CNTN4: variants seen among roughly 807,000 people sequenced by gnomAD.
The protein encoded by CNTN4 is contactin 4.
A neutral mutation model predicts 122.5 loss-of-function variants in CNTN4; 77 were observed. The observed-to-expected ratio is 0.63, with a 90% CI of 0.52 to 0.76. The LOEUF (loss-of-function observed/expected upper bound fraction) is 0.76. Ranked by LOEUF, CNTN4 falls within the 30% of genes least tolerant of loss-of-function variation. The probability of loss-of-function intolerance (pLI) is 0.00; values close to 1 mark genes in which losing one functional copy is unlikely to be tolerated. For missense variants in CNTN4, 1,256 were observed against 1,259.1 expected (o/e 1.00, Z 0.04); for synonymous variants, 512 against 447.0 (o/e 1.15, Z -1.83).
intron 4 of CNTN4, among the ~76,000 whole-genome samples, chr3:2,609,572 A>G (rs1463098545): frequency 2.6e-5 from 4 of 152,228 alleles, no homozygotes; most frequent in Admixed American, 2.0e-4. Flanking sequence ...TAGTTCTCAA[A>G]AGCATTATGT....
intron 4 of CNTN4, among the ~76,000 whole-genome samples, chr3:2,613,344 C>G (rs1414677565): frequency 6.6e-6 from 1 of 152,026 alleles, no homozygotes; most frequent in Non-Finnish European, 1.5e-5. Flanking sequence ...ATATCATGAT[C>G]ATTTACTTAG....
chr3:2,854,598 T>C (rs2150708529), intron 7 of CNTN4, among the ~76,000 whole-genome samples: 1 of 152,296 alleles, frequency 6.6e-6, no homozygotes, highest in South Asian at 2.1e-4. Flanking sequence ...CTTAGCACAT[T>C]TGATTAAGGG....
At chr3:2,278,581 A>T (rs567158230) in intron 2 of CNTN4, among the ~76,000 whole-genome samples, 2 of 152,242 alleles carry the variant, frequency 1.3e-5, no homozygotes, top group Non-Finnish European at 2.9e-5. Context: ...TACAGTATGC[A>T]CAAGTGTATA....
At chr3:2,686,655 CTGTG>C (rs887659861) in intron 4 of CNTN4, among the ~76,000 whole-genome samples, 26 of 152,062 alleles carry the variant, frequency 1.7e-4, no homozygotes, top group Admixed American at 4.6e-4. Flanking sequence ...GTGTGTGTGT[CTGTG>C]TGTCTGTGTG....
At chr3:2,608,412 A>G (rs1456102879) in intron 4 of CNTN4, among the ~76,000 whole-genome samples, 2 of 152,178 alleles carry the variant, frequency 1.3e-5, no homozygotes. Context: ...GTGAACTATG[A>G]TTATTCCACT....
intron 2 of CNTN4, among the ~76,000 whole-genome samples, chr3:2,183,804 A>G (rs1436563899): frequency 6.6e-6 from 1 of 152,168 alleles, no homozygotes; most frequent in Non-Finnish European, 1.5e-5. Flanking sequence ...ACCCCAAGCT[A>G]CTAAGATGCC....
At chr3:2,521,343 T>TCGCCC (rs781282977) in intron 3 of CNTN4, among the ~76,000 whole-genome samples, 5 of 128,310 alleles carry the variant, frequency 3.9e-5, no homozygotes, top group South Asian at 2.6e-4. Flanking sequence ...CCTCTACCCA[T>TCGCCC]CCCCCCCACC....
intron 3 of CNTN4, among the ~76,000 whole-genome samples, chr3:2,430,861 A>C (rs1478507180): frequency 2.0e-5 from 3 of 152,154 alleles, no homozygotes; most frequent in Non-Finnish European, 2.9e-5. Context: ...GATGTGCTCA[A>C]ATTATGCAAC....
intron 7 of CNTN4, among the ~76,000 whole-genome samples, chr3:2,835,188 AGC>A (rs1456240204): frequency 3.3e-5 from 5 of 152,086 alleles, no homozygotes; most frequent in South Asian, 2.1e-4. Flanking sequence ...TACAGGCATG[AGC>A]CACCTCGCCC....
intron 3 of CNTN4, among the ~76,000 whole-genome samples, chr3:2,342,595 G>A (rs973787917): frequency 2.0e-5 from 3 of 152,142 alleles, no homozygotes; most frequent in African/African-American, 7.2e-5. Context: ...TGATCCTCAT[G>A]CTGTTCGTGT....
At chr3:2,622,501 C>G (rs1343395451) in intron 4 of CNTN4, among the ~76,000 whole-genome samples, 1 of 152,072 alleles carries the variant, frequency 6.6e-6, no homozygotes, top group Non-Finnish European at 1.5e-5. Flanking sequence ...AGGCTGGTCT[C>G]GAACTCCTGA....
At chr3:2,463,217 A>C (rs1435240966) in intron 3 of CNTN4, among the ~76,000 whole-genome samples, 1 of 152,232 alleles carries the variant, frequency 6.6e-6, no homozygotes, top group African/African-American at 2.4e-5. Context: ...TAAAAAAAAA[A>C]AACACTTGAC....
chr3:3,056,231 C>T lies in CNTN4; in HGVS notation c.*11C>T. The T allele has an allele frequency of 6.3e-7, 1 of 1,590,686 alleles. No individual in the cohort carries two copies. Among genetic ancestry groups the T allele is most frequent in the Non-Finnish European group, 8.6e-7 (1 of 1,158,622 alleles). ...AGGTCCAGTTTATGACAAAAGTTAT[C>T]TGAAGGACTTGCTGTTTATAATATA... On this transcript the variant is annotated 3_prime_UTR_variant, in exon 25 of 25. Transcript: ENST00000418658.
intron 2 of CNTN4, among the ~76,000 whole-genome samples, chr3:2,186,017 C>G (rs1381516583): frequency 1.3e-5 from 2 of 151,926 alleles, no homozygotes; most frequent in Admixed American, 6.6e-5. Flanking sequence ...AGCCATGTTG[C>G]TGTGCTGCAC....
At chr3:2,543,320 C>T (rs923306956) in intron 3 of CNTN4, among the ~76,000 whole-genome samples, 1 of 152,072 alleles carries the variant, frequency 6.6e-6, no homozygotes, top group African/African-American at 2.4e-5. Flanking sequence ...CAGAAGCAAT[C>T]CTTAAAAACA....
chr3:2,308,478 G>T (rs1351215882), intron 2 of CNTN4, among the ~76,000 whole-genome samples: 1 of 151,894 alleles, frequency 6.6e-6, no homozygotes, highest in Non-Finnish European at 1.5e-5. Context: ...GGAAAGTTAA[G>T]TTATTGATTT....
At chr3:2,523,376 AAC>A (rs1491294462) in intron 3 of CNTN4, among the ~76,000 whole-genome samples, 2 of 150,278 alleles carry the variant, frequency 1.3e-5, no homozygotes, top group African/African-American at 4.9e-5. Context: ...AAAAAAACAA[AAC>A]TTTTTTCTAT....
At chr3:2,152,570 G>A (rs142221272) in intron 2 of CNTN4, among the ~76,000 whole-genome samples, 1 of 152,280 alleles carries the variant, frequency 6.6e-6, no homozygotes, top group Admixed American at 6.5e-5. Context: ...CAGAAGTGAA[G>A]TATGAGAGAA....
chr3:2,588,137 G>A (rs187479643), intron 4 of CNTN4, among the ~76,000 whole-genome samples: 4 of 151,940 alleles, frequency 2.6e-5, no homozygotes, highest in East Asian at 1.9e-4. Context: ...AAAAGTAGCC[G>A]TAAAGATAAA....
Sources: gnomAD v4.1 joint callset for allele counts (sites outside exome capture counted in the v4.1 genomes callset) on GRCh38, gnomAD v4.1.1 for gene constraint, MANE v1.5 for transcripts, NCBI Gene and HGNC (gene_info 2026-07-23, HGNC 2026-07-21) for gene names.